Variants in AREL1 observed in about 807,000 individuals in gnomAD.
The protein encoded by AREL1 is apoptosis-resistant E3 ubiquitin protein ligase 1.
In AREL1, 62 loss-of-function variants were observed where a neutral mutation model predicts 99.0. The ratio of observed to expected loss-of-function variants is 0.63; its 90% CI spans 0.51 to 0.77. The LOEUF (loss-of-function observed/expected upper bound fraction) is 0.77, where lower values mean the gene tolerates loss of function less well. Ranked by LOEUF, AREL1 falls within the 30% of genes least tolerant of loss-of-function variation. The probability of loss-of-function intolerance (pLI) is 0.00; values close to 1 mark genes in which losing one functional copy is unlikely to be tolerated. For synonymous variants in AREL1, 380 were observed against 376.5 expected (o/e 1.01, Z -0.11); for missense variants, 879 against 1,027.6 (o/e 0.86, Z 1.98).
chr14:74,671,266 G>T, intron 12 of AREL1, 142 bp downstream of exon 12: 1 of 528,844 alleles, frequency 1.9e-6, no homozygotes, highest in Non-Finnish European at 3.2e-6. Context: ...CTTTTCCTTG[G>T]GGAAAAAAAA....
intron 2 of AREL1, 112 bp from the exon 3 acceptor site, chr14:74,685,772 A>T: frequency 8.3e-6 from 7 of 845,132 alleles, no homozygotes; most frequent in Non-Finnish European, 1.3e-5. Context: ...TCTAGTCCAG[A>T]GCCTTACTAT....
At chr14:74,694,798 G>A (rs1241944445) in intron 1 of AREL1, among the ~76,000 whole-genome samples, 1 of 151,908 alleles carries the variant, frequency 6.6e-6, no homozygotes, top group Non-Finnish European at 1.5e-5. Flanking sequence ...GACCATCCTG[G>A]CTAACACGGT....
intron 17 of AREL1, among the ~76,000 whole-genome samples, 189 bp downstream of exon 17, chr14:74,667,130 C>T (rs1033053106): frequency 3.3e-5 from 5 of 152,134 alleles, no homozygotes; most frequent in African/African-American, 1.2e-4. Context: ...GCACTCTTTG[C>T]TACTAATTTT....
At chr14:74,671,261 C>A (rs1325862215) in intron 12 of AREL1, 147 bp downstream of exon 12, 2 of 517,170 alleles carry the variant, frequency 3.9e-6, no homozygotes, top group Non-Finnish European at 3.3e-6. Context: ...GTTCCCTTTT[C>A]CTTGGGGAAA....
chr14:74,705,140 A>T (rs2090153566), intron 1 of AREL1, among the ~76,000 whole-genome samples: 1 of 152,114 alleles, frequency 6.6e-6, no homozygotes, highest in South Asian at 2.1e-4. Context: ...TCCAGGTTCA[A>T]GCGATTCTCC....
At chr14:74,693,216 C>T (rs890415644) in intron 1 of AREL1, among the ~76,000 whole-genome samples, 10 of 152,258 alleles carry the variant, frequency 6.6e-5, no homozygotes, top group African/African-American at 2.2e-4. Context: ...TTCCAAAGAG[C>T]TTTAAAGCCC....
intron 17 of AREL1, among the ~76,000 whole-genome samples, chr14:74,665,978 T>C (rs1479628011): frequency 6.6e-6 from 1 of 152,210 alleles, no homozygotes; most frequent in Non-Finnish European, 1.5e-5. Context: ...TGCTTCAAAA[T>C]GTAACAAAAT....
intron 1 of AREL1, among the ~76,000 whole-genome samples, chr14:74,708,268 C>T (rs989294702): frequency 6.6e-6 from 1 of 152,040 alleles, no homozygotes; most frequent in Admixed American, 6.6e-5. Context: ...GATGGTGCTC[C>T]CCTTTACATT....
At chr14:74,700,891 T>C (rs1042283418) in intron 1 of AREL1, among the ~76,000 whole-genome samples, 1 of 151,392 alleles carries the variant, frequency 6.6e-6, no homozygotes, top group Admixed American at 6.6e-5. Flanking sequence ...AGAAAAAGGA[T>C]CACACATTTT....
chr14:74,696,841 G>A (rs569421575), intron 1 of AREL1, among the ~76,000 whole-genome samples: 44 of 152,116 alleles, frequency 2.9e-4, no homozygotes, highest in Non-Finnish European at 5.0e-4. Context: ...GCACACACCT[G>A]TAATCCCAGC....
At chr14:74,664,448 CTTTTTTTT>C (rs56728679) in intron 18 of AREL1, among the ~76,000 whole-genome samples, 4 of 76,896 alleles carry the variant, frequency 5.2e-5, no homozygotes, top group South Asian at 5.6e-4. Flanking sequence ...CTTTTCCTTT[CTTTTTTTT>C]TTTTTTTTTT....
intron 1 of AREL1, among the ~76,000 whole-genome samples, chr14:74,705,735 T>G (rs2090165891): frequency 6.6e-6 from 1 of 152,234 alleles, no homozygotes; most frequent in African/African-American, 2.4e-5. Flanking sequence ...ATTCTGCATT[T>G]CTTAATTCAG....
intron 1 of AREL1, among the ~76,000 whole-genome samples, chr14:74,694,744 CT>C (rs2089947405): frequency 1.3e-5 from 2 of 151,404 alleles, no homozygotes; most frequent in East Asian, 3.9e-4. Context: ...AATCCCAGCA[CT>C]TTGGGAGGCT....
At chr14:74,670,188 A>C (rs2089303355) in intron 13 of AREL1, 62 bp from the exon 14 acceptor site, 1 of 1,485,178 alleles carries the variant, frequency 6.7e-7, no homozygotes, top group African/African-American at 1.4e-5. Context: ...TTCTGGAAGG[A>C]CCCTTCCTTC....
At chr14:74,691,922 A>G in intron 2 of AREL1, 119 bp downstream of exon 2, 1 of 184,182 alleles carries the variant, frequency 5.4e-6, no homozygotes, top group South Asian at 8.6e-5. Context: ...GACAAAGTCA[A>G]TTCTCACTGC....
At chr14:74,665,895 G>T (rs2139854405) in intron 17 of AREL1, among the ~76,000 whole-genome samples, 1 of 152,326 alleles carries the variant, frequency 6.6e-6, no homozygotes, top group African/African-American at 2.4e-5. Context: ...GGAACTAAGA[G>T]CAGGATGTGG....
rs2089137669 is a variant in AREL1 at position 74,663,684 on chromosome 14, G to C, written c.*36C>G. The C allele has an allele frequency of 1.3e-6, 2 of 1,595,802 alleles. No individual in the cohort carries two copies. The highest frequency in any genetic ancestry group is 2.2e-5 in the South Asian group (2 of 90,576). ...CTGTAACTTGCGCCCAGAAGCTCCA[G>C]AGAGCATGGGAGCCAACTGGATGAC... On this transcript the variant is annotated 3_prime_UTR_variant, in exon 20 of 20. Transcript: ENST00000356357.
At position 74,678,057 on chromosome 14, in the gene AREL1, A is replaced by G. The variant is rs201597260; in HGVS notation, c.482-1305T>C. 7.9e-6 allele frequency: 3 copies of G among 379,708 alleles called. No individual in the cohort carries two copies. In the East Asian group the frequency reaches 2.2e-4, roughly 28 times the overall value. 23.5% of individuals were successfully genotyped at this position (379,708 alleles called of 1,614,324 possible). A position where few individuals can be genotyped will look rare whatever the true frequency, so the allele number is the denominator to read the frequency against. ...ATATAGGTTTAACACAATTCTTATC[A>G]AAGTTCCAGCAAGATTATTTATAGA... On this transcript the variant is annotated intron_variant, in intron 5 of 19. Transcript: ENST00000356357.
chr14:74,673,498 T>C (rs1353517175), intron 9 of AREL1, among the ~76,000 whole-genome samples: 1 of 152,180 alleles, frequency 6.6e-6, no homozygotes, highest in African/African-American at 2.4e-5. Flanking sequence ...TAAATAGCAA[T>C]AAATGGCAAT....
Sources: gnomAD v4.1 joint callset for allele counts (sites outside exome capture counted in the v4.1 genomes callset) on GRCh38, gnomAD v4.1.1 for gene constraint, MANE v1.5 for transcripts, NCBI Gene and HGNC (gene_info 2026-07-23, HGNC 2026-07-21) for gene names.